The following HMSD variants were observed in gnomAD, a reference collection of about 807,000 sequenced individuals.
The protein encoded by HMSD is serpin-like protein HMSD.
HMSD carries 13 observed loss-of-function variants against 10.0 expected under a neutral mutation model. The ratio of observed to expected loss-of-function variants is 1.31; its 90% confidence interval spans 0.85 to 2.08. The LOEUF (loss-of-function observed/expected upper bound fraction) is 2.08, where lower values mean the gene tolerates loss of function less well. HMSD is among the 30% of genes most tolerant of loss of function. The probability of loss-of-function intolerance (pLI) is 0.00; values close to 1 mark genes in which losing one functional copy is unlikely to be tolerated. For synonymous variants in HMSD, 51 were observed against 54.2 expected (o/e 0.94, Z 0.26); for missense variants, 169 against 166.3 (o/e 1.02, Z -0.09).
intron 3 of HMSD, among the ~76,000 whole-genome samples, chr18:63,955,605 T>C (rs767709570): frequency 6.6e-6 from 1 of 152,090 alleles, no homozygotes; most frequent in Admixed American, 6.5e-5. Context: ...TCAGCAGAAC[T>C]GCATAATGTT....
rs758046805 is a variant in HMSD at position 63,954,521 on chromosome 18, C to G, written c.186C>G (p.Asn62Lys). ...CTGAATATGTGCTTAGAACTGCCAACGGGCTCTTTGGAGAAAAGTCTTATG... is the reference window on the plus strand; with the variant it reads ...CTGAATATGTGCTTAGAACTGCCAAGGGGCTCTTTGGAGAAAAGTCTTATG... ...TDTEYVLRTA[N>K]GLFGEKSYDF... Residue 62 changes from asparagine to lysine, a missense_variant, in exon 3 of 4, where the codon AAC (asparagine) becomes AAG (lysine). Coordinates refer to ENST00000408945, the MANE Select transcript of HMSD (RefSeq NM_001123366.2). The G allele has an allele frequency of 6.2e-7, 1 of 1,612,404 alleles. No individual in the cohort carries two copies. Among genetic ancestry groups the G allele is most frequent in the Non-Finnish European group, 8.5e-7 (1 of 1,178,854 alleles).
chr18:63,963,097 CTT>C (rs1389531157), downstream of HMSD, among the ~76,000 whole-genome samples: 3 of 129,852 alleles, frequency 2.3e-5, no homozygotes, highest in African/African-American at 1.1e-4. Flanking sequence ...TTCTTTCTTT[CTT>C]TCTTTCTTTC....
At chr18:63,949,754 T>C (rs551369296) in intron 1 of HMSD, among the ~76,000 whole-genome samples, 3 of 152,258 alleles carry the variant, frequency 2.0e-5, no homozygotes, top group African/African-American at 7.2e-5. Flanking sequence ...GAAGTTTATG[T>C]TGGGCGCTGG....
At chr18:63,963,133 C>CTCTTTCTTTCTTTCTTTCTTTT, downstream of HMSD, among the ~76,000 whole-genome samples, 1 of 108,462 alleles carries the variant, frequency 9.2e-6, no homozygotes, top group African/African-American at 3.5e-5. Flanking sequence ...TTCTTTCTTT[C>CTCTTTCTTTCTTTCTTTCTTTT]CTTTCTTTCT....
In HMSD at chr18:63,953,357, C is replaced by A; in HGVS notation, c.-99C>A. The A allele has an allele frequency of 1.2e-6, 1 of 806,396 alleles. No individual in the cohort carries two copies. The highest frequency in any genetic ancestry group is 2.1e-6 in the Non-Finnish European group (1 of 471,570). 50.0% of individuals were successfully genotyped at this position (806,396 alleles called of 1,614,324 possible). On this transcript the variant is annotated 5_prime_UTR_variant, in exon 2 of 4. Coordinates refer to ENST00000408945, the MANE Select transcript of HMSD (RefSeq NM_001123366.2). ...GTTTAAAAATCCATTGTTTCAGGCT[C>A]ACCGTCATGGATGCTCTATCAGAAG...
rs1190720177 is a variant in HMSD at position 63,952,460 on chromosome 18, A to G, written c.-102-894A>G. On this transcript the variant is annotated intron_variant, in intron 1 of 3. Coordinates refer to ENST00000408945, the MANE Select transcript of HMSD (RefSeq NM_001123366.2). ...ATTACTCATTATCCAGAAATATGTG[A>G]TGTTCAGTGTTTCCCTGTAGTCTTT... Among the ~76,000 whole-genome samples the G allele has an allele frequency of 3.9e-5, 6 of 152,294 alleles. No individual in the cohort carries two copies. The East Asian group carries it at 1.2e-3, about 29-fold the overall frequency.
chr18:63,967,224 C>T (rs749078072), intron 3 of HMSD, among the ~76,000 whole-genome samples: 7 of 152,096 alleles, frequency 4.6e-5, no homozygotes, highest in Admixed American at 1.3e-4. Context: ...TGCAACCTCC[C>T]GAGGTTCAAG....
At chr18:63,954,764 TAA>T (rs1213197092) in intron 3 of HMSD, among the ~76,000 whole-genome samples, 1 of 152,310 alleles carries the variant, frequency 6.6e-6, no homozygotes, top group East Asian at 1.9e-4. Flanking sequence ...TTTAATGAGA[TAA>T]TCTTCATAAA....
chr18:63,954,670 C>T lies in HMSD; in HGVS notation c.222+113C>T, dbSNP rs1325404772. 1.5e-5 allele frequency: 12 copies of T among 808,800 alleles called. No homozygotes were observed. The South Asian group carries it at 2.0e-4, about 13-fold the overall frequency. 50.1% of individuals were successfully genotyped at this position (808,800 alleles called of 1,614,324 possible). ...GGTCCTGAACTCAGAACTCCACGCA[C>T]GAATCTCACACGCATCTTGTGATTC... On this transcript the variant is annotated intron_variant, in intron 3 of 3. Transcript: ENST00000408945.
At chr18:63,968,697 G>A (rs1409958791) in intron 3 of HMSD, 1 of 152,220 alleles carries the variant, frequency 6.6e-6, no homozygotes, top group Non-Finnish European at 1.5e-5. Flanking sequence ...GGACAAAGTG[G>A]GGCCCAAAGT....
In HMSD at chr18:63,960,430, C is replaced by G; in HGVS notation, c.*75C>G. On this transcript the variant is annotated 3_prime_UTR_variant, in exon 4 of 4. Coordinates refer to ENST00000408945, the MANE Select transcript of HMSD (RefSeq NM_001123366.2). ...TTTGGAAATATTGCCAACTCGTAGA[C>G]CTTTTCTCTAGCTTTAGCTTTTCCC... 1 of 1,494,642 alleles carries G rather than the reference C, an allele frequency of 6.7e-7. No individual in the cohort carries two copies. The allele number at this position is 1,494,642 out of a possible 1,614,324, so 92.6% of individuals were successfully genotyped here.
At chr18:63,958,499 T>C (rs1463738108) in intron 3 of HMSD, among the ~76,000 whole-genome samples, 1 of 152,198 alleles carries the variant, frequency 6.6e-6, no homozygotes, top group East Asian at 1.9e-4. Context: ...GTTCATAAAT[T>C]AGTTGTTTCA....
At chr18:63,969,156 A>G (rs1434169551) in intron 3 of HMSD, among the ~76,000 whole-genome samples, 1 of 152,234 alleles carries the variant, frequency 6.6e-6, no homozygotes, top group African/African-American at 2.4e-5. Context: ...GAGGATATGA[A>G]GGAATGTAAA....
At chr18:63,963,085 C>CTTTA (rs1232574656), downstream of HMSD, among the ~76,000 whole-genome samples, 23 of 99,022 alleles carry the variant, frequency 2.3e-4, no homozygotes, top group South Asian at 6.6e-3. Flanking sequence ...TTCTTTCTTT[C>CTTTA]TTTCTTTCTT....
intron 3 of HMSD, among the ~76,000 whole-genome samples, chr18:63,954,851 C>T (rs1279756025): frequency 6.6e-6 from 1 of 152,206 alleles, no homozygotes; most frequent in Non-Finnish European, 1.5e-5. Flanking sequence ...GACTGTTTCT[C>T]GTAATTGCTT....
chr18:63,951,066 T>A (rs771497076), intron 1 of HMSD, among the ~76,000 whole-genome samples: 1 of 152,236 alleles, frequency 6.6e-6, no homozygotes, highest in Non-Finnish European at 1.5e-5. Flanking sequence ...AGTTGTATTT[T>A]AAAACATGTT....
chr18:63,964,798 CA>C (rs968183163), downstream of HMSD, among the ~76,000 whole-genome samples: 8 of 152,142 alleles, frequency 5.3e-5, no homozygotes, highest in African/African-American at 1.7e-4. Context: ...AATCAACTCC[CA>C]AAGGCCCTAT....
In HMSD at chr18:63,961,578, C is replaced by T. The variant is rs2050386951; in HGVS notation, c.*1223C>T. 1 of 152,376 alleles carries T rather than the reference C, an allele frequency of 6.6e-6. No homozygotes were observed. Among genetic ancestry groups the T allele is most frequent in the Admixed American group, 6.5e-5 (1 of 15,290 alleles). The allele number at this position is 152,376 out of a possible 1,614,324, so 9.4% of individuals were successfully genotyped here. Reference sequence around the variant, plus strand: ...AAGGCTCTTCCCCCTTCTAAGTTCCCTTACCAGGCAGTCAGCTGTACCCTC... The same window carrying T: ...AAGGCTCTTCCCCCTTCTAAGTTCCTTTACCAGGCAGTCAGCTGTACCCTC... On this transcript the variant is annotated 3_prime_UTR_variant, in exon 4 of 4. Transcript: ENST00000408945.
At chr18:63,956,320 C>T (rs2050357900) in intron 3 of HMSD, among the ~76,000 whole-genome samples, 1 of 151,814 alleles carries the variant, frequency 6.6e-6, no homozygotes, top group Non-Finnish European at 1.5e-5. Context: ...GCAAACTATG[C>T]CTCTGATAGA....
Sources: gnomAD v4.1 joint callset for allele counts (sites outside exome capture counted in the v4.1 genomes callset) on GRCh38, gnomAD v4.1.1 for gene constraint, MANE v1.5 for transcripts, NCBI Gene and HGNC (gene_info 2026-07-23, HGNC 2026-07-21) for gene names.